PPP2CA: variants seen among roughly 807,000 people sequenced by gnomAD.
PPP2CA encodes the protein serine/threonine-protein phosphatase 2A catalytic subunit alpha isoform.
Under a neutral mutation model 38.8 loss-of-function variants are expected in PPP2CA, and 5 were observed. The observed-to-expected ratio is 0.13, with a 90% confidence interval of 0.07 to 0.27. The LOEUF (loss-of-function observed/expected upper bound fraction) is 0.27. Ranked by LOEUF, PPP2CA falls within the 10% of genes least tolerant of loss-of-function variation. The pLI is 1.00. For missense variants in PPP2CA, 88 were observed against 389.7 expected, an observed-to-expected ratio of 0.23 and a Z score of 6.52; for synonymous variants, 152 against 134.0, an observed-to-expected ratio of 1.13 and a Z score of -0.93.
At chr5:134,205,810 A>C (rs1259585920) in intron 2 of PPP2CA, 112 bp downstream of exon 2, 5 of 916,512 alleles carry the variant, frequency 5.5e-6, no homozygotes, top group Non-Finnish European at 8.3e-6. Context: ...TGCATTCCTA[A>C]ATGTGGAATT....
chr5:134,220,240 C>G lies in PPP2CA; in HGVS notation c.102+5520G>C, dbSNP rs1405614072. On this transcript the variant is annotated intron_variant, in intron 1 of 6. Coordinates refer to ENST00000481195, the MANE Select transcript of PPP2CA (RefSeq NM_002715.4). ...TTGGGAGGCTGAGATGGGTGGATCA[C>G]TTGACGTAAGGAGTTCAAGACCAGC... is the stretch of plus-strand genomic sequence containing the variant. 4.6e-5 allele frequency among the ~76,000 whole-genome samples: 7 copies of G among 151,846 alleles called. No individual in the cohort carries two copies. In the East Asian group the frequency reaches 1.2e-3, roughly 25 times the overall value.
chr5:134,209,075 T>C (rs1444323421), intron 1 of PPP2CA, among the ~76,000 whole-genome samples: 1 of 152,208 alleles, frequency 6.6e-6, no homozygotes, highest in Non-Finnish European at 1.5e-5. Context: ...GTTTGGTTTT[T>C]AAATGTTGAC....
chr5:134,212,617 A>G (rs1762225737), intron 1 of PPP2CA, among the ~76,000 whole-genome samples: 1 of 152,338 alleles, frequency 6.6e-6, no homozygotes, highest in Middle Eastern at 3.4e-3. Context: ...CTTTAAATGA[A>G]AAGTTAGAAA....
At chr5:134,225,487 T>TG in intron 1 of PPP2CA, 1 of 397,544 alleles carries the variant, frequency 2.5e-6, no homozygotes, top group East Asian at 5.0e-5. Context: ...CCGCTCCCCC[T>TG]GCCACCTCGT....
At position 134,194,870 on chromosome 5, in the gene PPP2CA, A is replaced by C. The variant is rs1405352761; in HGVS notation, c.*2902T>G. ...TGATCCACCCACCCCGGCCTCCCCAAGTGCTGGGATTACAGGCATGAGCCA... is the reference window on the plus strand; with the variant it reads ...TGATCCACCCACCCCGGCCTCCCCACGTGCTGGGATTACAGGCATGAGCCA... On this transcript the variant is annotated 3_prime_UTR_variant, in exon 7 of 7. Coordinates refer to ENST00000481195, the MANE Select transcript of PPP2CA (RefSeq NM_002715.4). The C allele has an allele frequency of 6.6e-6, 1 of 152,134 alleles. No individual in the cohort carries two copies. Among genetic ancestry groups the C allele is most frequent in the East Asian group, 1.9e-4 (1 of 5,180 alleles). 9.4% of individuals were successfully genotyped at this position (152,134 alleles called of 1,614,324 possible).
At chr5:134,200,524 G>A in intron 4 of PPP2CA, 28 bp from the exon 5 acceptor site, 2 of 1,605,580 alleles carry the variant, frequency 1.2e-6, no homozygotes, top group Non-Finnish European at 1.7e-6. Context: ...GTTATAAAAT[G>A]CCTTTTACAA....
intron 1 of PPP2CA, among the ~76,000 whole-genome samples, chr5:134,210,997 T>C (rs1174878879): frequency 2.0e-5 from 3 of 152,164 alleles, no homozygotes; most frequent in Non-Finnish European, 2.9e-5. Flanking sequence ...TAAGACCTTA[T>C]CACAAGTAAC....
At chr5:134,208,781 C>T (rs1762139021) in intron 1 of PPP2CA, among the ~76,000 whole-genome samples, 1 of 152,178 alleles carries the variant, frequency 6.6e-6, no homozygotes, top group African/African-American at 2.4e-5. Flanking sequence ...TACACACATA[C>T]TGTATGTCTA....
At chr5:134,220,456 CAAAAAAAAAAA>C (rs10649430) in intron 1 of PPP2CA, among the ~76,000 whole-genome samples, 2 of 54,048 alleles carry the variant, frequency 3.7e-5, no homozygotes, top group Admixed American at 2.9e-4. Flanking sequence ...GACTCTATCT[CAAAAAAAAAAA>C]AAAAAAAAAA....
intron 1 of PPP2CA, among the ~76,000 whole-genome samples, chr5:134,222,984 T>C (rs1762477578): frequency 6.6e-6 from 1 of 152,208 alleles, no homozygotes; most frequent in African/African-American, 2.4e-5. Flanking sequence ...CTGTTAATTG[T>C]TGATGGGTTA....
At chr5:134,200,028 T>C (rs779906957) in intron 5 of PPP2CA, among the ~76,000 whole-genome samples, 4 of 152,200 alleles carry the variant, frequency 2.6e-5, no homozygotes, top group African/African-American at 9.6e-5. Context: ...CGAAATAACA[T>C]TGGGATCATA....
intron 3 of PPP2CA, 32 bp from the exon 4 acceptor site, chr5:134,201,106 C>T (rs757383758): frequency 2.0e-6 from 3 of 1,533,300 alleles, no homozygotes; most frequent in South Asian, 1.1e-5. Flanking sequence ...GTTAACCTCA[C>T]CTAAAAAATT....
chr5:134,223,825 T>C (rs990292425), intron 1 of PPP2CA, among the ~76,000 whole-genome samples: 19 of 152,238 alleles, frequency 1.2e-4, no homozygotes, highest in African/African-American at 4.6e-4. Flanking sequence ...TTATTCTTCA[T>C]TGCTTTTCAT....
chr5:134,198,348 G>A (rs965035448), intron 6 of PPP2CA, among the ~76,000 whole-genome samples: 7 of 151,824 alleles, frequency 4.6e-5, no homozygotes, highest in Middle Eastern at 3.4e-3. Context: ...AGCCAAGATC[G>A]CACCACTGCA....
intron 3 of PPP2CA, 44 bp from the exon 4 acceptor site, chr5:134,201,118 G>A (rs1257491775): frequency 1.4e-6 from 2 of 1,473,824 alleles, no homozygotes; most frequent in African/African-American, 1.4e-5. Context: ...TAAAAAATTT[G>A]TAAACATTCT....
chr5:134,221,629 A>C (rs923857485), intron 1 of PPP2CA, among the ~76,000 whole-genome samples: 7 of 152,176 alleles, frequency 4.6e-5, no homozygotes, highest in African/African-American at 1.4e-4. Context: ...ACAAAGAGGA[A>C]CAACAGTATG....
intron 1 of PPP2CA, among the ~76,000 whole-genome samples, chr5:134,215,905 T>C (rs1397581960): frequency 6.6e-6 from 1 of 152,228 alleles, no homozygotes. Context: ...TCTTAGGACT[T>C]GGGTACTCCA....
At chr5:134,224,088 T>A (rs536592401) in intron 1 of PPP2CA, among the ~76,000 whole-genome samples, 1 of 152,340 alleles carries the variant, frequency 6.6e-6, no homozygotes, top group South Asian at 2.1e-4. Context: ...TTCCACGTTT[T>A]CTTCAAAAGA....
Position 134,214,291 on chromosome 5 carries a change from C to T in PPP2CA, c.103-8160G>A, listed in dbSNP as rs7730522. 3.2e-3 allele frequency among the ~76,000 whole-genome samples: 488 copies of T among 152,276 alleles called. 1 individual carries two copies. Among genetic ancestry groups the T allele is most frequent in the African/African-American group, 0.011 (454 of 41,550 alleles). ...CCTCTTACTTATAATTGACTGGCAT[C>T]TCATTTTGTGTCCTAAAGTTTCATA... On this transcript the variant is annotated intron_variant, in intron 1 of 6. Coordinates refer to ENST00000481195, the MANE Select transcript of PPP2CA (RefSeq NM_002715.4).
Sources: allele counts gnomAD v4.1 joint callset (sites outside exome capture counted in the v4.1 genomes callset), GRCh38; gene constraint gnomAD v4.1.1; transcripts MANE v1.5; gene names NCBI Gene and HGNC (gene_info 2026-07-23, HGNC 2026-07-21).